TMEM132D: variants seen among roughly 807,000 people sequenced by gnomAD.
TMEM132D encodes mature OL transmembrane protein.
In TMEM132D, 21 loss-of-function variants were observed where a neutral mutation model predicts 62.3. That is an observed-to-expected ratio of 0.34 (90% CI 0.24 to 0.49). The LOEUF is 0.49. TMEM132D is among the 20% of genes least tolerant of loss of function. The pLI is 0.99. For synonymous variants in TMEM132D, 621 were observed against 575.6 expected (o/e 1.08, Z -1.13); for missense variants, 1,346 against 1,402.8 (o/e 0.96, Z 0.65).
chr12:129,435,531 T>C (rs1420591327), intron 3 of TMEM132D, among the ~76,000 whole-genome samples: 1 of 152,202 alleles, frequency 6.6e-6, no homozygotes, highest in Non-Finnish European at 1.5e-5. Context: ...AGACAATTTC[T>C]CATGGTGGTT....
Position 129,106,168 on chromosome 12 carries a change from CA to C in TMEM132D, c.1444-21467del, listed in dbSNP as rs1303651769. The stretch of plus-strand genomic sequence containing the variant: ...CATTCTCAGTAAACTATCGTAAGAA[CA>C]AAAAACCAAACACCGCATATTCTCA... On this transcript the variant is annotated intron_variant, in intron 5 of 8. Coordinates refer to ENST00000422113, the MANE Select transcript of TMEM132D (RefSeq NM_133448.3). 2.7e-5 allele frequency among the ~76,000 whole-genome samples: 4 copies of C among 150,498 alleles called. No homozygotes were observed. In the South Asian group the frequency reaches 8.4e-4, roughly 32 times the overall value.
intron 1 of TMEM132D, among the ~76,000 whole-genome samples, chr12:129,738,259 G>GC (rs1396938200): frequency 6.6e-6 from 1 of 152,134 alleles, no homozygotes; most frequent in Non-Finnish European, 1.5e-5. Flanking sequence ...ATCACTAGCT[G>GC]CCTCCACAGT....
intron 3 of TMEM132D, among the ~76,000 whole-genome samples, chr12:129,439,590 G>C (rs1028440997): frequency 6.6e-6 from 1 of 152,044 alleles, no homozygotes; most frequent in Non-Finnish European, 1.5e-5. Flanking sequence ...GCTGAGAACA[G>C]GTGCCCGCCA....
At chr12:129,164,582 C>G (rs776976573) in intron 5 of TMEM132D, among the ~76,000 whole-genome samples, 2 of 152,200 alleles carry the variant, frequency 1.3e-5, no homozygotes, top group East Asian at 1.9e-4. Context: ...TAGTTCAGCA[C>G]GAGGAACTAT....
At position 129,503,268 on chromosome 12, in the gene TMEM132D, A is replaced by G. The variant is rs1201990785; in HGVS notation, c.1115+27791T>C. 6.6e-5 allele frequency among the ~76,000 whole-genome samples: 10 copies of G among 152,312 alleles called. No homozygotes were observed. In the East Asian group the frequency reaches 1.2e-3, roughly 18 times the overall value. ...TTTATATGTCACATGTAGAAAGTCGACAGAAGAAATCTAAAGAGTCCACAA... is the reference window on the plus strand; with the variant it reads ...TTTATATGTCACATGTAGAAAGTCGGCAGAAGAAATCTAAAGAGTCCACAA... On this transcript the variant is annotated intron_variant, in intron 3 of 8. Transcript: ENST00000422113.
rs150419165 is a variant in TMEM132D at position 129,428,844 on chromosome 12, C to A, written c.1116-91027G>T. ...AGGGGACCAGGGAAAATTGCTTCAG[C>A]AATTGCTTGGAAGGCTCCCAGAATT... On this transcript the variant is annotated intron_variant, in intron 3 of 8. Coordinates refer to ENST00000422113, the MANE Select transcript of TMEM132D (RefSeq NM_133448.3). Among the ~76,000 whole-genome samples, 692 of 152,328 alleles carry A rather than the reference C, an allele frequency of 4.5e-3. 6 individuals are homozygous for A. Among genetic ancestry groups the A allele is most frequent in the Middle Eastern group, 6.8e-3 (2 of 294 alleles).
intron 4 of TMEM132D, among the ~76,000 whole-genome samples, chr12:129,317,704 G>T (rs1204185547): frequency 1.3e-5 from 2 of 152,114 alleles, no homozygotes; most frequent in Admixed American, 1.3e-4. Flanking sequence ...GCAAGGCCAG[G>T]GAAGTTTTCC....
chr12:129,255,338 T>C (rs906496052), intron 4 of TMEM132D, among the ~76,000 whole-genome samples: 2 of 152,166 alleles, frequency 1.3e-5, no homozygotes, highest in African/African-American at 4.8e-5. Flanking sequence ...AACACCCAGC[T>C]CAAGCTTAAA....
intron 4 of TMEM132D, among the ~76,000 whole-genome samples, chr12:129,291,638 C>A (rs1217009061): frequency 6.6e-6 from 1 of 152,110 alleles, no homozygotes; most frequent in African/African-American, 2.4e-5. Flanking sequence ...AAGCTCTCTG[C>A]AAAGAAATAT....
rs188694058 is a variant in TMEM132D at position 129,848,667 on chromosome 12, T to G, written c.79+54594A>C. ...GGTCTTTTCACTGGGTTTGTCTTTTTGATGAGTTACTTTAATTTCTCCTGT... is the reference window on the plus strand; with the variant it reads ...GGTCTTTTCACTGGGTTTGTCTTTTGGATGAGTTACTTTAATTTCTCCTGT... On this transcript the variant is annotated intron_variant, in intron 1 of 8. Transcript: ENST00000422113. Among the ~76,000 whole-genome samples the G allele has an allele frequency of 1.2e-4, 18 of 152,354 alleles. No homozygotes were observed. In the East Asian group the frequency reaches 3.1e-3, roughly 26 times the overall value.
At chr12:129,764,087 G>A (rs1048537117) in intron 1 of TMEM132D, among the ~76,000 whole-genome samples, 1 of 152,128 alleles carries the variant, frequency 6.6e-6, no homozygotes. Flanking sequence ...TAACCTTTCA[G>A]TAAAGCCTTT....
chr12:129,294,894 A>C (rs1386827019), intron 4 of TMEM132D, among the ~76,000 whole-genome samples: 1 of 152,188 alleles, frequency 6.6e-6, no homozygotes, highest in South Asian at 2.1e-4. Flanking sequence ...GATTTTTGAT[A>C]AATAATCATT....
chr12:129,898,752 T>C (rs1875232885), intron 1 of TMEM132D, among the ~76,000 whole-genome samples: 1 of 152,254 alleles, frequency 6.6e-6, no homozygotes, highest in Non-Finnish European at 1.5e-5. Flanking sequence ...GCAAGTTCTC[T>C]GGGAATAGTA....
At chr12:129,360,628 T>G (rs1489805434) in intron 3 of TMEM132D, among the ~76,000 whole-genome samples, 2 of 151,462 alleles carry the variant, frequency 1.3e-5, no homozygotes, top group Non-Finnish European at 2.9e-5. Flanking sequence ...GCCAGGGATC[T>G]GATCACCCAC....
chr12:129,456,427 C>T (rs1873469324), intron 3 of TMEM132D, among the ~76,000 whole-genome samples: 1 of 152,132 alleles, frequency 6.6e-6, no homozygotes, highest in Non-Finnish European at 1.5e-5. Context: ...AGCTGTCTCC[C>T]AGGATGCTAT....
chr12:129,285,093 A>G (rs920766344), intron 4 of TMEM132D, among the ~76,000 whole-genome samples: 1 of 152,194 alleles, frequency 6.6e-6, no homozygotes, highest in Admixed American at 6.5e-5. Context: ...TACAAAAGCA[A>G]TGGAGGTTTT....
chr12:129,166,529 T>G (rs1180618618), intron 5 of TMEM132D, among the ~76,000 whole-genome samples: 1 of 152,052 alleles, frequency 6.6e-6, no homozygotes, highest in African/African-American at 2.4e-5. Context: ...AATTTAATAT[T>G]AAGACACTGT....
intron 1 of TMEM132D, among the ~76,000 whole-genome samples, chr12:129,704,381 C>G (rs1881453713): frequency 6.6e-6 from 1 of 152,210 alleles, no homozygotes; most frequent in South Asian, 2.1e-4. Context: ...GGGAGGCAAC[C>G]AGCTTTGCCA....
At chr12:129,721,781 A>G (rs1323376821) in intron 1 of TMEM132D, among the ~76,000 whole-genome samples, 1 of 152,178 alleles carries the variant, frequency 6.6e-6, no homozygotes, top group Non-Finnish European at 1.5e-5. Flanking sequence ...CTAATCCCAG[A>G]GAACCGACCC....
Sources: allele counts gnomAD v4.1 joint callset (sites outside exome capture counted in the v4.1 genomes callset), GRCh38; gene constraint gnomAD v4.1.1; transcripts MANE v1.5; gene names NCBI Gene and HGNC (gene_info 2026-07-23, HGNC 2026-07-21).